The following GORASP1 variants were observed in gnomAD, a reference collection of about 807,000 sequenced individuals.
GORASP1 encodes Golgi reassembly-stacking protein 1.
Under a neutral mutation model 37.7 loss-of-function variants are expected in GORASP1, and 31 were observed. That is an observed-to-expected ratio of 0.82 (90% CI 0.62 to 1.11). The LOEUF is 1.11. Ranked by LOEUF, GORASP1 falls within the 50% of genes least tolerant of loss-of-function variation. GORASP1 has a pLI of 0.00. For synonymous variants in GORASP1, 204 were observed against 224.8 expected (o/e 0.91, Z 0.83); for missense variants, 476 against 560.7 (o/e 0.85, Z 1.53).
chr3:39,106,643 G>C (rs1039591215), intron 1 of GORASP1, among the ~76,000 whole-genome samples: 48 of 152,248 alleles, frequency 3.2e-4, no homozygotes, highest in African/African-American at 1.1e-3. Flanking sequence ...CTAGGGAAAG[G>C]GGGGGTGCAG....
chr3:39,098,203 A>G lies in GORASP1; in HGVS notation c.*33T>C, dbSNP rs200244021. 1.2e-5 allele frequency: 20 copies of G among 1,603,220 alleles called. No individual in the cohort carries two copies. Among genetic ancestry groups the G allele is most frequent in the Non-Finnish European group, 1.7e-5 (20 of 1,173,894 alleles). On this transcript the variant is annotated 3_prime_UTR_variant, in exon 9 of 9. Coordinates refer to ENST00000319283, the MANE Select transcript of GORASP1 (RefSeq NM_031899.4). The surrounding 1 kb of genome is among the most constrained non-coding windows in gnomAD (Gnocchi z 4.7). Reference sequence around the variant, plus strand: ...CCTGCCCACATCTGGGCCTCATGAAATGTCATCATGGGCCTTGTCACAGCC... The same window carrying G: ...CCTGCCCACATCTGGGCCTCATGAAGTGTCATCATGGGCCTTGTCACAGCC...
chr3:39,102,914 C>A lies in GORASP1; in HGVS notation c.145-33G>T, dbSNP rs751809440. On this transcript the variant is annotated intron_variant, in intron 2 of 8. Coordinates refer to ENST00000319283, the MANE Select transcript of GORASP1 (RefSeq NM_031899.4). This position sits in a 1 kb window ranked among gnomAD's most constrained non-coding sequence, Gnocchi z 5.0. ...GGCAATGGGGCTGACTCCAAGGCCA[C>A]CTCATGCCCAGGCTAGGACCCTCAG... 1 of 1,596,696 alleles carries A rather than the reference C, an allele frequency of 6.3e-7. No individual in the cohort carries two copies. Among genetic ancestry groups the A allele is most frequent in the African/African-American group, 1.3e-5 (1 of 74,592 alleles).
chr3:39,107,305 G>A (rs574428441), intron 1 of GORASP1, 174 bp downstream of exon 1: 4 of 459,328 alleles, frequency 8.7e-6, no homozygotes, highest in Admixed American at 4.3e-5. Flanking sequence ...CGGGAGTCCC[G>A]CGAGGCCGCC....
At chr3:39,107,372 C>G in intron 1 of GORASP1, 107 bp downstream of exon 1, 1 of 732,340 alleles carries the variant, frequency 1.4e-6, no homozygotes, top group Non-Finnish European at 1.9e-6. Flanking sequence ...GGCGGAAACA[C>G]TCGGGCCGGG....
rs1240761603 is a variant in GORASP1 at position 39,102,280 on chromosome 3, T to C, written c.348+398A>G. ...TGGTATTATAATCTTATGGGATCAC[T>C]ATTGTATATGCAGTCCGTGGTTGAC... On this transcript the variant is annotated intron_variant, in intron 3 of 8. Coordinates refer to ENST00000319283, the MANE Select transcript of GORASP1 (RefSeq NM_031899.4). This position sits in a 1 kb window ranked among gnomAD's most constrained non-coding sequence, Gnocchi z 5.0. Among the ~76,000 whole-genome samples the C allele has an allele frequency of 1.3e-5, 2 of 152,150 alleles. No individual in the cohort carries two copies. Among genetic ancestry groups the C allele is most frequent in the Admixed American group, 1.3e-4 (2 of 15,270 alleles).
intron 1 of GORASP1, among the ~76,000 whole-genome samples, chr3:39,106,719 C>G (rs1203348590): frequency 6.6e-6 from 1 of 152,094 alleles, no homozygotes; most frequent in African/African-American, 2.4e-5. Flanking sequence ...ACATTATAGC[C>G]CTTCCCTCAC....
Position 39,098,150 on chromosome 3 carries a change from T to TCCTGAC in GORASP1, c.*80_*85dup. On this transcript the variant is annotated 3_prime_UTR_variant, in exon 9 of 9. Coordinates refer to ENST00000319283, the MANE Select transcript of GORASP1 (RefSeq NM_031899.4). The surrounding 1 kb of genome is among the most constrained non-coding windows in gnomAD (Gnocchi z 4.7). ...CATGTCCCACCAAAGCAGCAAGGAA[T>TCCTGAC]CCTGACCGCATAGTGCAGCCCGGGC... is the stretch of plus-strand genomic sequence containing the variant. 1 of 1,486,698 alleles carries TCCTGAC rather than the reference T, an allele frequency of 6.7e-7. No homozygotes were observed. The highest frequency in any genetic ancestry group is 1.3e-5 in the South Asian group (1 of 78,038). 92.1% of individuals were successfully genotyped at this position (1,486,698 alleles called of 1,614,324 possible). A position where few individuals can be genotyped will look rare whatever the true frequency, so the allele number is the denominator to read the frequency against.
rs1392507780 is a variant in GORASP1 at position 39,103,838 on chromosome 3, T to C, written c.64-285A>G. 4.4e-5 allele frequency: 15 copies of C among 340,058 alleles called. No homozygotes were observed. In the Admixed American group the frequency reaches 6.9e-4, roughly 16 times the overall value. The allele number at this position is 340,058 out of a possible 1,614,324, so 21.1% of individuals were successfully genotyped here. A position where few individuals can be genotyped will look rare whatever the true frequency, so the allele number is the denominator to read the frequency against. On this transcript the variant is annotated intron_variant, in intron 1 of 8. Transcript: ENST00000319283. The surrounding 1 kb of genome is among the most constrained non-coding windows in gnomAD (Gnocchi z 5.2). ...CCTTAGGGGCTCCCAGGAGGCAATA[T>C]GGAGACAGGCTGGCCCAGGCCTGTG...
rs373543124 is a variant in GORASP1 at position 39,098,979 on chromosome 3, C to T, written c.917-86G>A. ...CCTGGGCTCACCTTGCCTAGGGCAT[C>T]TGGCCCAGCCTGTGAGACTGTAATC... On this transcript the variant is annotated intron_variant, in intron 7 of 8. Transcript: ENST00000319283. The surrounding 1 kb of genome is among the most constrained non-coding windows in gnomAD (Gnocchi z 4.7). The T allele has an allele frequency of 3.0e-5, 45 of 1,523,788 alleles. No homozygotes were observed. The African/African-American group carries it at 4.9e-4, about 17-fold the overall frequency. The allele number at this position is 1,523,788 out of a possible 1,614,324, so 94.4% of individuals were successfully genotyped here.
chr3:39,102,752 C>A lies in GORASP1; in HGVS notation c.274G>T (p.Gly92Cys). 6.2e-7 allele frequency: 1 copy of A among 1,614,204 alleles called. No individual in the cohort carries two copies. The highest frequency in any genetic ancestry group is 8.5e-7 in the Non-Finnish European group (1 of 1,180,028). Residue 92 changes from glycine to cysteine, a missense_variant, in exon 3 of 9, where the codon GGC becomes TGC. Transcript: ENST00000319283. The surrounding 1 kb of genome is among the most constrained non-coding windows in gnomAD (Gnocchi z 5.0). ...VEVVPSNMWG[G>C]QGLLGASVRF... The stretch of plus-strand genomic sequence containing the variant: ...ACACTGGCACCCAGTAGGCCCTGGC[C>A]GCCCCACATGTTGCTGGGCACCACC...
chr3:39,106,681 G>A (rs1021938386), intron 1 of GORASP1, among the ~76,000 whole-genome samples: 1 of 151,858 alleles, frequency 6.6e-6, no homozygotes, highest in Admixed American at 6.6e-5. Context: ...AGCGCTCCGG[G>A]GTCAGAGACC....
chr3:39,105,105 A>G lies in GORASP1; in HGVS notation c.64-1552T>C, dbSNP rs879913799. ...AGGCCTGGCCTCCTTGACCCACCCA[A>G]TACCTCCACCACCCTCTCCTGTGGC... is the stretch of plus-strand genomic sequence containing the variant. On this transcript the variant is annotated intron_variant, in intron 1 of 8. Coordinates refer to ENST00000319283, the MANE Select transcript of GORASP1 (RefSeq NM_031899.4). This position sits in a 1 kb window ranked among gnomAD's most constrained non-coding sequence, Gnocchi z 5.4. Among the ~76,000 whole-genome samples, 19 of 151,724 alleles carry G rather than the reference A, an allele frequency of 1.3e-4. No individual in the cohort carries two copies. Among genetic ancestry groups the G allele is most frequent in the African/African-American group, 3.9e-4 (16 of 41,342 alleles).
In GORASP1 at chr3:39,101,000, A is replaced by G. The variant is rs1406819323; in HGVS notation, c.435+16T>C. 17 of 1,613,996 alleles carry G rather than the reference A, an allele frequency of 1.1e-5. No homozygotes were observed. The highest frequency in any genetic ancestry group is 1.4e-5 in the Non-Finnish European group (17 of 1,179,968). ...ATCCAGAGGGTCTGGGGAGGGGCAA[A>G]TTGCGGGTTCCTCACCTCCTGGAGA... On this transcript the variant is annotated intron_variant, in intron 4 of 8. Coordinates refer to ENST00000319283, the MANE Select transcript of GORASP1 (RefSeq NM_031899.4). The surrounding 1 kb of genome is among the most constrained non-coding windows in gnomAD (Gnocchi z 4.6).
In GORASP1 at chr3:39,103,390, G is replaced by A. The variant is rs1335498000; in HGVS notation, c.144+83C>T. ...CCTTTAGAAAAAAAGGGAGGGAAGG[G>A]TAGACTGGGGCCCCCTGTGGGACAG... On this transcript the variant is annotated intron_variant, in intron 2 of 8. Coordinates refer to ENST00000319283, the MANE Select transcript of GORASP1 (RefSeq NM_031899.4). The surrounding 1 kb of genome is among the most constrained non-coding windows in gnomAD (Gnocchi z 5.2). The A allele has an allele frequency of 1.8e-6, 2 of 1,092,320 alleles. No homozygotes were observed. Among genetic ancestry groups the A allele is most frequent in the South Asian group, 1.5e-5 (1 of 68,504 alleles). The allele number at this position is 1,092,320 out of a possible 1,614,324, so 67.7% of individuals were successfully genotyped here.
chr3:39,100,588 A>AT lies in GORASP1; in HGVS notation c.567-86_567-85insA. On this transcript the variant is annotated intron_variant, in intron 5 of 8. Transcript: ENST00000319283. This position sits in a 1 kb window ranked among gnomAD's most constrained non-coding sequence, Gnocchi z 4.6. ...CTATCCCCACCTACTACCAGCAATA[A>AT]GGGGGCTGAAAAGGGTACTTCTGAA... 6.8e-7 allele frequency: 1 copy of AT among 1,477,842 alleles called. No individual in the cohort carries two copies. The highest frequency in any genetic ancestry group is 2.3e-5 in the East Asian group (1 of 43,978). The allele number at this position is 1,477,842 out of a possible 1,614,324, so 91.5% of individuals were successfully genotyped here.
intron 7 of GORASP1, 35 bp downstream of exon 7, chr3:39,099,318 C>G (rs543539519): frequency 6.2e-7 from 1 of 1,612,110 alleles, no homozygotes; most frequent in Admixed American, 1.7e-5. Context: ...AGCCCCAAGC[C>G]TGGGGCCCAC....
chr3:39,106,283 T>C (rs1325376929), intron 1 of GORASP1, among the ~76,000 whole-genome samples: 1 of 152,146 alleles, frequency 6.6e-6, no homozygotes. Flanking sequence ...CCTCTCCAAT[T>C]TGTCCCTCTC....
chr3:39,100,289 G>A lies in GORASP1; in HGVS notation c.765+16C>T, dbSNP rs779786354. Reference sequence around the variant, plus strand: ...GAGTTTTCTGTCTTCCCAGTTGGCAGATTCTCCCCACATACCTCCATGTAG... The same window carrying A: ...GAGTTTTCTGTCTTCCCAGTTGGCAAATTCTCCCCACATACCTCCATGTAG... On this transcript the variant is annotated intron_variant, in intron 6 of 8. Transcript: ENST00000319283. The surrounding 1 kb of genome is among the most constrained non-coding windows in gnomAD (Gnocchi z 4.6). 3 of 1,612,078 alleles carry A rather than the reference G, an allele frequency of 1.9e-6. No homozygotes were observed. The highest frequency in any genetic ancestry group is 1.7e-5 in the Admixed American group (1 of 60,004).
Position 39,107,527 on chromosome 3 carries a change from G to A in GORASP1, c.15C>T (p.Val5=), listed in dbSNP as rs368760988. The change falls in exon 1 of 9, where the codon GTC becomes GTT. Residue 5 remains valine, a synonymous_variant. Transcript: ENST00000319283. The part of the protein sequence containing the change: MGLG[V]SAEQPAGGAE... Reference sequence around the variant, plus strand: ...CGCCGCCTGCGGGCTGCTCAGCGCTGACGCCCAGGCCCATGGCAGCGGCTC... The same window carrying A: ...CGCCGCCTGCGGGCTGCTCAGCGCTAACGCCCAGGCCCATGGCAGCGGCTC... The A allele has an allele frequency of 2.1e-3, 3,123 of 1,504,210 alleles. 9 individuals are homozygous for A. The highest frequency in any genetic ancestry group is 5.4e-3 in the Middle Eastern group (29 of 5,418). The allele number at this position is 1,504,210 out of a possible 1,614,324, so 93.2% of individuals were successfully genotyped here. A position where few individuals can be genotyped will look rare whatever the true frequency, so the allele number is the denominator to read the frequency against.
Sources: gnomAD v4.1 joint callset for allele counts (sites outside exome capture counted in the v4.1 genomes callset) on GRCh38, gnomAD v4.1.1 for gene constraint, Gnocchi (gnomAD v3.1) non-coding constraint, MANE v1.5 for transcripts, NCBI Gene and HGNC (gene_info 2026-07-23, HGNC 2026-07-21) for gene names.